Variants in MAGI3 observed in about 807,000 individuals in gnomAD.
MAGI3 encodes membrane-associated guanylate kinase, WW and PDZ domain-containing protein 3.
MAGI3 carries 43 observed loss-of-function variants against 121.8 expected under a neutral mutation model. The observed-to-expected ratio is 0.35, with a 90% CI of 0.28 to 0.46. MAGI3 has a LOEUF of 0.46. Ranked by LOEUF, MAGI3 falls within the 20% of genes least tolerant of loss-of-function variation. MAGI3 has a pLI of 1.00. For synonymous variants in MAGI3, 553 were observed against 639.3 expected, an observed-to-expected ratio of 0.86 and a Z score of 2.04; for missense variants, 1,547 against 1,797.3, an observed-to-expected ratio of 0.86 and a Z score of 2.52.
chr1:113,397,695 C>A (rs1029973845), intron 1 of MAGI3, among the ~76,000 whole-genome samples: 9 of 152,032 alleles, frequency 5.9e-5, no homozygotes, highest in Admixed American at 5.9e-4. Flanking sequence ...TGAATAGTCT[C>A]CTGTAAGTTT....
At chr1:113,429,176 A>G (rs1653172352) in intron 1 of MAGI3, among the ~76,000 whole-genome samples, 1 of 152,232 alleles carries the variant, frequency 6.6e-6, no homozygotes, top group South Asian at 2.1e-4. Context: ...AAATTTTGGA[A>G]TCACCTTGTC....
chr1:113,494,605 A>G (rs1656828633), intron 1 of MAGI3, among the ~76,000 whole-genome samples: 1 of 152,206 alleles, frequency 6.6e-6, no homozygotes, highest in South Asian at 2.1e-4. Flanking sequence ...ATATCTCTTT[A>G]TTTAAAATAT....
At position 113,622,953 on chromosome 1, in the gene MAGI3, T is replaced by C. The variant is rs1344592222; in HGVS notation, c.1319T>C (p.Leu440Pro). The change falls in exon 9 of 21, where the codon CTG becomes CCG. Residue 440 changes from leucine to proline, a missense_variant. Physicochemically the swap from Leu to Pro is moderately conservative, Grantham distance 98. Transcript: ENST00000307546. ...GAGTTCCTACAAGTGAAAAATGTGC[T>C]GAAAGATGGTCCCGCAGCTCAGGAT... ...PDEFLQVKNV[L>P]KDGPAAQDGK... is the part of the protein sequence containing the mutation. 2 of 1,565,566 alleles carry C rather than the reference T, an allele frequency of 1.3e-6. No homozygotes were observed. The highest frequency in any genetic ancestry group is 1.7e-6 in the Non-Finnish European group (2 of 1,163,640).
At chr1:113,509,628 A>G (rs1262194993) in intron 1 of MAGI3, among the ~76,000 whole-genome samples, 1 of 120,074 alleles carries the variant, frequency 8.3e-6, no homozygotes, top group African/African-American at 3.2e-5. Flanking sequence ...CCATACTTTC[A>G]GTCACCAGAA....
In MAGI3 at chr1:113,408,293, G is replaced by A. The variant is rs1278817784; in HGVS notation, c.316+16944G>A. ...ATCTAGGCAAAACTTCAGCCTCCTT[G>A]TTAAAATTTTATGCATATGACTGAC... is the stretch of plus-strand genomic sequence containing the variant. On this transcript the variant is annotated intron_variant, in intron 1 of 20. Transcript: ENST00000307546. 2.0e-5 allele frequency among the ~76,000 whole-genome samples: 3 copies of A among 152,234 alleles called. No individual in the cohort carries two copies. In the East Asian group the frequency reaches 5.8e-4, roughly 29 times the overall value.
intron 1 of MAGI3, among the ~76,000 whole-genome samples, chr1:113,409,500 A>G (rs1651861349): frequency 6.6e-6 from 1 of 151,956 alleles, no homozygotes; most frequent in Non-Finnish European, 1.5e-5. Context: ...AAAATTAGCC[A>G]GGTGTGGTGG....
chr1:113,594,015 A>G (rs1330688925), intron 5 of MAGI3, among the ~76,000 whole-genome samples: 3 of 152,138 alleles, frequency 2.0e-5, no homozygotes, highest in African/African-American at 7.2e-5. Context: ...TCTGATGTTT[A>G]TTTATCTTTA....
rs371963387 is a variant in MAGI3 at position 113,552,540 on chromosome 1, A to G, written c.433+2909A>G. Among the ~76,000 whole-genome samples, 218 of 152,332 alleles carry G rather than the reference A, an allele frequency of 1.4e-3. 8 individuals are homozygous for G. The South Asian group carries it at 0.044, about 31-fold the overall frequency. On this transcript the variant is annotated intron_variant, in intron 2 of 20. Transcript: ENST00000307546. ...CTTCCTCTTCCCTTGTTAAAACAAG[A>G]TAATAAAAATATGTACTTGTACTTT...
chr1:113,530,680 G>A (rs556821074), intron 1 of MAGI3, among the ~76,000 whole-genome samples: 5 of 152,158 alleles, frequency 3.3e-5, no homozygotes, highest in Non-Finnish European at 5.9e-5. Context: ...CAGCACTTTC[G>A]GAGGCTGAGG....
intron 2 of MAGI3, among the ~76,000 whole-genome samples, chr1:113,551,174 TATATA>T (rs1215051966): frequency 6.6e-6 from 1 of 152,152 alleles, no homozygotes; most frequent in Admixed American, 6.5e-5. Context: ...AGAAACTCTC[TATATA>T]GAATTAGAAT....
intron 1 of MAGI3, among the ~76,000 whole-genome samples, chr1:113,470,016 AG>A (rs1655468384): frequency 6.6e-6 from 1 of 152,158 alleles, no homozygotes; most frequent in Non-Finnish European, 1.5e-5. Context: ...GATTCTTTTC[AG>A]TAGTGGCATA....
chr1:113,402,151 T>C (rs1041546031), intron 1 of MAGI3, among the ~76,000 whole-genome samples: 6 of 152,098 alleles, frequency 3.9e-5, no homozygotes, highest in African/African-American at 7.2e-5. Context: ...GTGTAGAAAA[T>C]TGGCGAAAAA....
intron 9 of MAGI3, among the ~76,000 whole-genome samples, chr1:113,638,103 G>A (rs1056386626): frequency 1.3e-5 from 2 of 152,074 alleles, no homozygotes; most frequent in Admixed American, 1.3e-4. Flanking sequence ...GCACTTCTCT[G>A]TATTGGTTAT....
intron 1 of MAGI3, among the ~76,000 whole-genome samples, chr1:113,441,187 C>T (rs138536577): frequency 6.6e-6 from 1 of 152,224 alleles, no homozygotes; most frequent in African/African-American, 2.4e-5. Flanking sequence ...CCCCTAATAT[C>T]TCATGTTGGG....
intron 1 of MAGI3, among the ~76,000 whole-genome samples, chr1:113,544,891 G>A (rs1321114410): frequency 6.6e-6 from 1 of 151,552 alleles, no homozygotes; most frequent in East Asian, 1.9e-4. Context: ...CAAACAACCT[G>A]AAACAGAGGA....
chr1:113,562,696 G>T (rs1191155940), intron 2 of MAGI3, among the ~76,000 whole-genome samples: 1 of 152,318 alleles, frequency 6.6e-6, no homozygotes, highest in Admixed American at 6.5e-5. Flanking sequence ...AGGGTTGCGG[G>T]TGGGAGGAAG....
chr1:113,547,654 A>G (rs767931533), intron 1 of MAGI3, among the ~76,000 whole-genome samples: 47 of 152,330 alleles, frequency 3.1e-4, no homozygotes, highest in Non-Finnish European at 3.7e-4. Flanking sequence ...TTTTTGTTCA[A>G]TAAGTAATGA....
At chr1:113,680,424 T>G (rs1009566381) in intron 19 of MAGI3, among the ~76,000 whole-genome samples, 1 of 152,118 alleles carries the variant, frequency 6.6e-6, no homozygotes, top group African/African-American at 2.4e-5. Flanking sequence ...TACTCACGCA[T>G]AAAAACCCTA....
chr1:113,391,900 A>T lies in MAGI3; in HGVS notation c.316+551A>T, dbSNP rs1054677853. Among the ~76,000 whole-genome samples, 2 of 152,212 alleles carry T rather than the reference A, an allele frequency of 1.3e-5. No individual in the cohort carries two copies. The highest frequency in any genetic ancestry group is 4.8e-5 in the African/African-American group (2 of 41,450). On this transcript the variant is annotated intron_variant, in intron 1 of 20. Transcript: ENST00000307546. This position sits in a 1 kb window ranked among gnomAD's most constrained non-coding sequence, Gnocchi z 4.4. The stretch of plus-strand genomic sequence containing the variant: ...GTCCAGGTGGTTCAGGTGTCTGAGT[A>T]CCGATGACGGTACAATATGTGATAT...
Sources: gnomAD v4.1 joint callset for allele counts (sites outside exome capture counted in the v4.1 genomes callset) on GRCh38, gnomAD v4.1.1 for gene constraint, Gnocchi (gnomAD v3.1) non-coding constraint, MANE v1.5 for transcripts, NCBI Gene and HGNC (gene_info 2026-07-23, HGNC 2026-07-21) for gene names.